TEAD1: variants seen among roughly 807,000 people sequenced by gnomAD.
TEAD1 encodes the protein TEA domain transcription factor 1, also known as transcriptional enhancer factor TEF-1.
Under a neutral mutation model 54.9 loss-of-function variants are expected in TEAD1, and 9 were observed. The ratio of observed to expected loss-of-function variants is 0.16; its 90% confidence interval spans 0.10 to 0.29. TEAD1 has a LOEUF of 0.29. Ranked by LOEUF, TEAD1 falls within the 10% of genes least tolerant of loss-of-function variation. The pLI is 1.00. For missense variants in TEAD1, 387 were observed against 535.9 expected (o/e 0.72, Z 2.74); for synonymous variants, 200 against 187.8 (o/e 1.07, Z -0.53).
intron 2 of TEAD1, among the ~76,000 whole-genome samples, chr11:12,751,541 G>T (rs985614105): frequency 6.6e-6 from 1 of 152,162 alleles, no homozygotes; most frequent in Non-Finnish European, 1.5e-5. Context: ...GCTGGAGAGG[G>T]TGCTTGTTGA....
At chr11:12,678,905 G>A (rs1418226068) in intron 2 of TEAD1, among the ~76,000 whole-genome samples, 1 of 152,164 alleles carries the variant, frequency 6.6e-6, no homozygotes, top group Non-Finnish European at 1.5e-5. Flanking sequence ...TTTGAAATAT[G>A]TGTTTTATTT....
chr11:12,701,358 G>A (rs980486179), intron 2 of TEAD1, among the ~76,000 whole-genome samples: 1 of 152,112 alleles, frequency 6.6e-6, no homozygotes, highest in African/African-American at 2.4e-5. Flanking sequence ...TGTTGGGGGT[G>A]ATTAGGGCTT....
chr11:12,886,800 T>C (rs1400149132), intron 9 of TEAD1, among the ~76,000 whole-genome samples: 1 of 152,156 alleles, frequency 6.6e-6, no homozygotes, highest in Non-Finnish European at 1.5e-5. Flanking sequence ...CCCAACCTTC[T>C]TCACAATTGA....
intron 3 of TEAD1, among the ~76,000 whole-genome samples, chr11:12,799,514 G>A (rs1564943979): frequency 2.0e-5 from 3 of 152,146 alleles, no homozygotes; most frequent in African/African-American, 7.2e-5. Flanking sequence ...GTGTGTGTCA[G>A]CGTTTTTAAC....
intron 9 of TEAD1, among the ~76,000 whole-genome samples, chr11:12,891,937 G>A (rs1948206208): frequency 6.6e-6 from 1 of 152,130 alleles, no homozygotes; most frequent in African/African-American, 2.4e-5. Flanking sequence ...TGGTGTTCTG[G>A]CCCTTATCTT....
Position 12,924,589 on chromosome 11 carries a change from A to T in TEAD1, c.874-323A>T, listed in dbSNP as rs1378834696. ...TCTAAAGATGAGTGAACATGAATCC[A>T]ATTAATATCCTGCTTTCTGTGCATA... On this transcript the variant is annotated intron_variant, in intron 10 of 12. Transcript: ENST00000527636. Among the ~76,000 whole-genome samples, 3 of 152,198 alleles carry T rather than the reference A, an allele frequency of 2.0e-5. No individual in the cohort carries two copies. In the East Asian group the frequency reaches 5.8e-4, roughly 29 times the overall value.
intron 10 of TEAD1, 93 bp from the exon 11 acceptor site, chr11:12,924,819 A>C: frequency 6.8e-7 from 1 of 1,465,646 alleles, no homozygotes; most frequent in Admixed American, 1.7e-5. Flanking sequence ...CTCTTCATTC[A>C]GCCAAGCAGA....
At chr11:12,702,305 C>T (rs1943720545) in intron 2 of TEAD1, among the ~76,000 whole-genome samples, 1 of 152,186 alleles carries the variant, frequency 6.6e-6, no homozygotes, top group Admixed American at 6.5e-5. Context: ...GTGTTACTAT[C>T]TGAGAACATC....
chr11:12,823,972 G>A (rs965083020), intron 3 of TEAD1, among the ~76,000 whole-genome samples: 1 of 151,980 alleles, frequency 6.6e-6, no homozygotes. Flanking sequence ...CTAATTTTGG[G>A]GGAGACTAAG....
At chr11:12,927,607 T>G (rs1040755798) in intron 11 of TEAD1, among the ~76,000 whole-genome samples, 5 of 152,238 alleles carry the variant, frequency 3.3e-5, no homozygotes, top group Non-Finnish European at 7.3e-5. Flanking sequence ...CTAATTGTAA[T>G]TGCATCAAAC....
intron 2 of TEAD1, among the ~76,000 whole-genome samples, chr11:12,707,585 T>C (rs1943846426): frequency 1.3e-5 from 2 of 152,230 alleles, no homozygotes; most frequent in Admixed American, 6.5e-5. Flanking sequence ...TCTTGTAGCA[T>C]AAACTGCTAG....
At chr11:12,675,970 A>G (rs1445013899) in intron 2 of TEAD1, among the ~76,000 whole-genome samples, 2 of 152,238 alleles carry the variant, frequency 1.3e-5, no homozygotes, top group African/African-American at 4.8e-5. Flanking sequence ...TTAACTTCTT[A>G]GAAGCAAGTG....
chr11:12,760,709 C>A (rs899068680), intron 2 of TEAD1, among the ~76,000 whole-genome samples: 2 of 152,190 alleles, frequency 1.3e-5, no homozygotes, highest in Admixed American at 6.5e-5. Context: ...CAATTCCACA[C>A]ATTTTTAGGG....
intron 4 of TEAD1, chr11:12,864,617 T>TGTTTGTTTTGTTTTG: frequency 1.0e-6 from 1 of 954,542 alleles, no homozygotes; most frequent in Non-Finnish European, 1.4e-6. Flanking sequence ...TTGATTTCCT[T>TGTTTGTTTTGTTTTG]TTTTGTTTTG....
intron 5 of TEAD1, chr11:12,879,393 A>C: frequency 1.7e-6 from 1 of 590,764 alleles, no homozygotes; most frequent in South Asian, 2.1e-5. Flanking sequence ...AAGTAATTGG[A>C]GAAATCTTCT....
intron 3 of TEAD1, among the ~76,000 whole-genome samples, chr11:12,764,641 CTT>C (rs1488364563): frequency 2.0e-5 from 3 of 151,946 alleles, no homozygotes; most frequent in Non-Finnish European, 4.4e-5. Context: ...GACCCCTGGG[CTT>C]TTCTTCTTCT....
intron 3 of TEAD1, among the ~76,000 whole-genome samples, chr11:12,769,612 G>A (rs531934801): frequency 6.6e-6 from 1 of 152,102 alleles, no homozygotes; most frequent in Non-Finnish European, 1.5e-5. Flanking sequence ...GCCCTGGTGT[G>A]GAAATGGCCA....
intron 10 of TEAD1, among the ~76,000 whole-genome samples, chr11:12,911,407 C>A (rs1397341607): frequency 1.3e-5 from 2 of 152,154 alleles, no homozygotes; most frequent in Non-Finnish European, 2.9e-5. Context: ...CGTCCTGTTG[C>A]TATTCATGGA....
chr11:12,874,413 T>G (rs1488671815), intron 5 of TEAD1, among the ~76,000 whole-genome samples: 1 of 152,188 alleles, frequency 6.6e-6, no homozygotes, highest in East Asian at 1.9e-4. Context: ...GTCATGTATA[T>G]TACATGTAGA....
Sources: gnomAD v4.1 joint callset for allele counts (sites outside exome capture counted in the v4.1 genomes callset) on GRCh38, gnomAD v4.1.1 for gene constraint, MANE v1.5 for transcripts, NCBI Gene and HGNC (gene_info 2026-07-23, HGNC 2026-07-21) for gene names.